Variants in DOCK2 observed in about 807,000 individuals in gnomAD.
DOCK2 encodes the protein dedicator of cytokinesis 2.
Under a neutral mutation model 248.9 loss-of-function variants are expected in DOCK2, and 87 were observed. That is an observed-to-expected ratio of 0.35 (90% CI 0.29 to 0.42). The LOEUF (loss-of-function observed/expected upper bound fraction) is 0.42. DOCK2 is among the 10% of genes least tolerant of loss of function. DOCK2 has a pLI of 1.00. For missense variants in DOCK2, 1,747 were observed against 2,300.2 expected (o/e 0.76, Z 4.92); for synonymous variants, 805 against 821.6 (o/e 0.98, Z 0.35).
At chr5:169,918,632 A>G (rs770918999) in intron 27 of DOCK2, among the ~76,000 whole-genome samples, 1 of 152,130 alleles carries the variant, frequency 6.6e-6, no homozygotes, top group African/African-American at 2.4e-5. Context: ...TGCAAACTAG[A>G]CCAGGTGCAG....
intron 2 of DOCK2, among the ~76,000 whole-genome samples, chr5:169,666,076 A>C (rs1758709397): frequency 6.6e-6 from 1 of 152,208 alleles, no homozygotes; most frequent in African/African-American, 2.4e-5. Context: ...TTTATTCCTC[A>C]TACTTATGGA....
chr5:169,654,924 C>T (rs570056164), intron 2 of DOCK2, among the ~76,000 whole-genome samples: 2 of 152,224 alleles, frequency 1.3e-5, no homozygotes, highest in African/African-American at 4.8e-5. Context: ...CAGGAGCTCA[C>T]TCCCCTCCCC....
chr5:169,775,562 G>A (rs1202859745), intron 25 of DOCK2, among the ~76,000 whole-genome samples: 1 of 151,852 alleles, frequency 6.6e-6, no homozygotes, highest in Non-Finnish European at 1.5e-5. Flanking sequence ...AATGTTTATA[G>A]AGTTTTAATA....
At chr5:169,768,341 A>C (rs1764906817) in intron 25 of DOCK2, among the ~76,000 whole-genome samples, 1 of 152,224 alleles carries the variant, frequency 6.6e-6, no homozygotes, top group South Asian at 2.1e-4. Context: ...TTCTGAGTGC[A>C]AGTCATTTGA....
intron 27 of DOCK2, among the ~76,000 whole-genome samples, chr5:169,919,614 G>A (rs538528574): frequency 1.3e-5 from 2 of 152,282 alleles, no homozygotes; most frequent in Non-Finnish European, 2.9e-5. Flanking sequence ...ATGGTGAGAA[G>A]GGTTTCCCTG....
chr5:170,022,190 T>TGAGGCTTTACTTTTTGGGA (rs1755753447), intron 33 of DOCK2, among the ~76,000 whole-genome samples: 1 of 152,220 alleles, frequency 6.6e-6, no homozygotes, highest in South Asian at 2.1e-4. Flanking sequence ...ACCCTTCAGC[T>TGAGGCTTTACTTTTTGGGA]GAGGCTTTAC....
chr5:169,648,161 A>C (rs557879538), intron 1 of DOCK2, among the ~76,000 whole-genome samples: 1 of 152,252 alleles, frequency 6.6e-6, no homozygotes, highest in African/African-American at 2.4e-5. Context: ...GGGTTTATCA[A>C]CCTTGTCACT....
chr5:169,644,424 C>A (rs1757334529), intron 1 of DOCK2, among the ~76,000 whole-genome samples: 1 of 151,952 alleles, frequency 6.6e-6, no homozygotes, highest in Admixed American at 6.6e-5. Flanking sequence ...GTAGGTCAAG[C>A]AAATGGGGTT....
intron 26 of DOCK2, among the ~76,000 whole-genome samples, chr5:169,804,180 T>A (rs1270632399): frequency 6.6e-6 from 1 of 152,176 alleles, no homozygotes; most frequent in East Asian, 1.9e-4. Context: ...CCTTTACTGG[T>A]CAGATCCATA....
chr5:170,015,891 C>T (rs942930701), intron 32 of DOCK2, among the ~76,000 whole-genome samples: 3 of 149,234 alleles, frequency 2.0e-5, no homozygotes, highest in Non-Finnish European at 3.0e-5. Context: ...TCCCTCCTTC[C>T]TTCCTTTCTT....
chr5:169,684,395 A>T, intron 8 of DOCK2, 45 bp downstream of exon 8: 1 of 1,591,066 alleles, frequency 6.3e-7, no homozygotes, highest in South Asian at 1.1e-5. Context: ...TATGGGAAGC[A>T]GTGCACAGAG....
intron 27 of DOCK2, among the ~76,000 whole-genome samples, chr5:169,911,902 A>G (rs1774617028): frequency 6.6e-6 from 1 of 152,172 alleles, no homozygotes; most frequent in African/African-American, 2.4e-5. Context: ...CATCTTCACT[A>G]CCAGAGTCTC....
At chr5:169,791,210 T>G (rs1427079779) in intron 25 of DOCK2, among the ~76,000 whole-genome samples, 2 of 152,204 alleles carry the variant, frequency 1.3e-5, no homozygotes, top group Non-Finnish European at 2.9e-5. Context: ...AGACATGACT[T>G]GATTGAGATT....
At chr5:169,755,594 A>T (rs1389435205) in intron 23 of DOCK2, among the ~76,000 whole-genome samples, 1 of 151,980 alleles carries the variant, frequency 6.6e-6, no homozygotes, top group Admixed American at 6.5e-5. Context: ...AATATAAAAA[A>T]CTAGCCGGGC....
chr5:170,079,275 G>A, intron 49 of DOCK2, 129 bp downstream of exon 49: 1 of 1,307,964 alleles, frequency 7.6e-7, no homozygotes, highest in Non-Finnish European at 1.0e-6. Flanking sequence ...GGGTATTGCA[G>A]AGGCGGCACC....
intron 45 of DOCK2, among the ~76,000 whole-genome samples, 179 bp from the exon 46 acceptor site, chr5:170,068,958 T>C (rs979465336): frequency 5.3e-5 from 8 of 152,240 alleles, no homozygotes; most frequent in Admixed American, 6.5e-5. Flanking sequence ...GGTGCTGATC[T>C]GAGCCTCAAA....
intron 27 of DOCK2, among the ~76,000 whole-genome samples, chr5:169,925,535 A>G (rs155021): frequency 0.11 from 15,345 of 144,036 alleles, 2,710 homozygotes; most frequent in African/African-American, 0.37. Context: ...AGCTAAGATC[A>G]GGCCACTGAA....
chr5:169,895,672 C>G (rs1283437508), intron 27 of DOCK2, among the ~76,000 whole-genome samples: 1 of 152,082 alleles, frequency 6.6e-6, no homozygotes, highest in Non-Finnish European at 1.5e-5. Context: ...GGGTGACATT[C>G]CATCTCCTGG....
intron 30 of DOCK2, among the ~76,000 whole-genome samples, chr5:170,001,950 C>A (rs1273923507): frequency 6.6e-6 from 1 of 152,088 alleles, no homozygotes; most frequent in Non-Finnish European, 1.5e-5. Context: ...GTCCTTACAA[C>A]CATACCCTTT....
Sources: allele counts gnomAD v4.1 joint callset (sites outside exome capture counted in the v4.1 genomes callset), GRCh38; gene constraint gnomAD v4.1.1; transcripts MANE v1.5; gene names NCBI Gene and HGNC (gene_info 2026-07-23, HGNC 2026-07-21).